The following TH variants were observed in gnomAD, a reference collection of about 807,000 sequenced individuals.
TH encodes tyrosine 3-monooxygenase.
TH carries 49 observed loss-of-function variants against 57.4 expected under a neutral mutation model. That is an observed-to-expected ratio of 0.85 (90% CI 0.68 to 1.08). TH has a LOEUF of 1.08. TH is among the 50% of genes least tolerant of loss of function. TH has a pLI of 0.00. For missense variants in TH, 720 were observed against 696.7 expected, an observed-to-expected ratio of 1.03 and a Z score of -0.38; for synonymous variants, 330 against 304.5, an observed-to-expected ratio of 1.08 and a Z score of -0.87.
At chr11:2,168,411 T>C in intron 3 of TH, 80 bp downstream of exon 3, 1 of 1,567,464 alleles carries the variant, frequency 6.4e-7, no homozygotes, top group Middle Eastern at 1.9e-4. Flanking sequence ...GTGGTCACTG[T>C]AGGGTCCCCC....
At chr11:2,164,865 C>A (rs1007380050) in intron 12 of TH, among the ~76,000 whole-genome samples, 7 of 152,068 alleles carry the variant, frequency 4.6e-5, no homozygotes, top group African/African-American at 1.4e-4. Flanking sequence ...GCCCTGGGGA[C>A]CCCACTCCCG....
chr11:2,166,450 AC>A, intron 9 of TH, 29 bp downstream of exon 9: 1 of 1,548,330 alleles, frequency 6.5e-7, no homozygotes, highest in Non-Finnish European at 8.7e-7. Context: ...CCCCTGGGTG[AC>A]CCCGGCTCCC....
rs3842725 is a variant in TH, at chr11:2,163,956, C to T, written c.*277G>A. ...GAGACCACAGTTTCTTTTATTGTGACGGTGATTGGGGCAGCAGACAGTGTC... is the reference window on the plus strand; with the variant it reads ...GAGACCACAGTTTCTTTTATTGTGATGGTGATTGGGGCAGCAGACAGTGTC... On this transcript the variant is annotated 3_prime_UTR_variant, in exon 13 of 13. Coordinates refer to ENST00000352909, the MANE Select transcript of TH (RefSeq NM_000360.4). The T allele has an allele frequency of 2.8e-3, 944 of 333,612 alleles. 10 individuals are homozygous for T. Among genetic ancestry groups the T allele is most frequent in the African/African-American group, 0.018 (832 of 47,218 alleles). The allele number at this position is 333,612 out of a possible 1,614,324, so 20.7% of individuals were successfully genotyped here. A position where few individuals can be genotyped will look rare whatever the true frequency, so the allele number is the denominator to read the frequency against.
intron 5 of TH, 87 bp downstream of exon 5, chr11:2,167,779 C>T: frequency 6.9e-7 from 1 of 1,450,788 alleles, no homozygotes; most frequent in Non-Finnish European, 9.5e-7. Flanking sequence ...CAAGATGGGT[C>T]CTCCCCTTTG....
chr11:2,168,806 C>T, intron 2 of TH, 141 bp from the exon 3 acceptor site: 1 of 1,061,596 alleles, frequency 9.4e-7, no homozygotes, highest in Non-Finnish European at 1.4e-6. Flanking sequence ...GCACACAGAT[C>T]CCGTTCTTCC....
chr11:2,169,537 G>A (rs950032335), intron 2 of TH, 113 bp downstream of exon 2: 27 of 1,040,884 alleles, frequency 2.6e-5, no homozygotes, highest in Middle Eastern at 2.6e-4. Context: ...ATCCTGTGCC[G>A]GCCTCGGGGG....
intron 7 of TH, 30 bp downstream of exon 7, chr11:2,166,857 C>G (rs754163484): frequency 1.6e-5 from 26 of 1,595,030 alleles, no homozygotes; most frequent in Admixed American, 3.5e-5. Context: ...CCCGGCCCCC[C>G]GGCTCTGCGC....
chr11:2,167,966 CTG>C (rs1846147934), intron 4 of TH, 33 bp from the exon 5 acceptor site: 7 of 1,610,492 alleles, frequency 4.3e-6, no homozygotes, highest in Non-Finnish European at 5.9e-6. Context: ...GGTCAGGAGG[CTG>C]TGCTGGGGTG....
At chr11:2,169,129 G>C (rs554556995) in intron 2 of TH, among the ~76,000 whole-genome samples, 1 of 152,314 alleles carries the variant, frequency 6.6e-6, no homozygotes, top group South Asian at 2.1e-4. Flanking sequence ...AAGGGCGGTG[G>C]GTCGCAGTGG....
rs956602962 is a variant in TH, at chr11:2,171,255, A to G, written c.90+442T>C. Among the ~76,000 whole-genome samples the G allele has an allele frequency of 6.6e-6, 1 of 151,794 alleles. No homozygotes were observed. The highest frequency in any genetic ancestry group is 2.4e-5 in the African/African-American group (1 of 41,318). ...GAAGGGCCTTGGGGCTGCCTCCCCA[A>G]GCAGGCAGGCTGGTTGGGGTGCTGA... On this transcript the variant is annotated intron_variant, in intron 1 of 12. Transcript: ENST00000352909. This position sits in a 1 kb window ranked among gnomAD's most constrained non-coding sequence, Gnocchi z 8.6.
At chr11:2,164,816 C>A (rs541885729) in intron 12 of TH, among the ~76,000 whole-genome samples, 2 of 152,104 alleles carry the variant, frequency 1.3e-5, no homozygotes, top group African/African-American at 4.8e-5. Context: ...GCTTTGCTCC[C>A]CTCTCCTGAC....
intron 2 of TH, 126 bp downstream of exon 2, chr11:2,169,524 T>G: frequency 1.1e-6 from 1 of 899,622 alleles, no homozygotes; most frequent in Non-Finnish European, 1.8e-6. Context: ...ACTCCCCTGC[T>G]GCATCCTGTG....
chr11:2,171,664 C>T lies in TH; in HGVS notation c.90+33G>A. 1 of 1,606,852 alleles carries T rather than the reference C, an allele frequency of 6.2e-7. No individual in the cohort carries two copies. Among genetic ancestry groups the T allele is most frequent in the Non-Finnish European group, 8.5e-7 (1 of 1,178,714 alleles). On this transcript the variant is annotated intron_variant, in intron 1 of 12. Coordinates refer to ENST00000352909, the MANE Select transcript of TH (RefSeq NM_000360.4). The surrounding 1 kb of genome is among the most constrained non-coding windows in gnomAD (Gnocchi z 8.6). ...GGCACCAGCCCTGGGCTCCGGTCCA[C>T]TGCGGCCGCCGGGCACCTACCTGCC...
intron 6 of TH, 113 bp from the exon 7 acceptor site, chr11:2,167,145 G>T (rs1846121562): frequency 2.7e-6 from 4 of 1,475,174 alleles, no homozygotes; most frequent in Middle Eastern, 2.3e-4. Context: ...CAGGCCTCTT[G>T]GGGACCCCTG....
At chr11:2,165,090 G>T in intron 12 of TH, 142 bp downstream of exon 12, 1 of 1,251,346 alleles carries the variant, frequency 8.0e-7, no homozygotes, top group Non-Finnish European at 1.1e-6. Context: ...TCCCTGCTGT[G>T]TGGGGGCTGC....
In TH at chr11:2,167,047, G is replaced by T. The variant is rs1202036561; in HGVS notation, c.696-15C>A. ...AGACCTCCTTCCTGCGGGCAGCCAG[G>T]CTCAGGGCCCTCTAATGCCCCACCC... is the stretch of plus-strand genomic sequence containing the variant. On this transcript the variant is annotated splice_polypyrimidine_tract_variant and intron_variant, in intron 6 of 12. Transcript: ENST00000352909. The T allele has an allele frequency of 2.5e-6, 4 of 1,571,844 alleles. No individual in the cohort carries two copies. In the African/African-American group the frequency reaches 5.4e-5, roughly 21 times the overall value.
rs762868646 is a variant in TH, at chr11:2,165,190, T to C, written c.1334+42A>G. ...AGAAGGAAGGCCTGGCTGGCCCAGT[T>C]TGGGGGCACCATGGGGGGCTTGCCC... On this transcript the variant is annotated intron_variant, in intron 12 of 12. Coordinates refer to ENST00000352909, the MANE Select transcript of TH (RefSeq NM_000360.4). 9.9e-6 allele frequency: 16 copies of C among 1,612,230 alleles called. No individual in the cohort carries two copies. The African/African-American group carries it at 1.2e-4, about 12-fold the overall frequency.
chr11:2,169,597 C>G (rs1846196414), intron 2 of TH, 53 bp downstream of exon 2: 2 of 1,580,118 alleles, frequency 1.3e-6, no homozygotes, highest in Non-Finnish European at 8.7e-7. Context: ...TCAGCCCACA[C>G]AGCCCCACCC....
rs1026257558 is a variant in TH at position 2,168,179 on chromosome 11, A to G, written c.488T>C (p.Val163Ala). 6.2e-7 allele frequency: 1 copy of G among 1,613,078 alleles called. No homozygotes were observed. The highest frequency in any genetic ancestry group is 1.7e-5 in the Admixed American group (1 of 59,976). Residue 163 changes from valine to alanine, a missense_variant and splice_region_variant, in exon 4 of 13, where the codon GTC becomes GCC. By Grantham distance (64) the Val-to-Ala change is moderately conservative. Coordinates refer to ENST00000352909, the MANE Select transcript of TH (RefSeq NM_000360.4). ...TGACACTTTTCTTGGGAACCAGGGG[A>G]CTTTATGGGTGATGGAGGAAGAGAT... ...EDVRSPAGPK[V>A]PWFPRKVSEL...
Sources: gnomAD v4.1 joint callset for allele counts (sites outside exome capture counted in the v4.1 genomes callset) on GRCh38, gnomAD v4.1.1 for gene constraint, Gnocchi (gnomAD v3.1) non-coding constraint, MANE v1.5 for transcripts, NCBI Gene and HGNC (gene_info 2026-07-23, HGNC 2026-07-21) for gene names.